The following CACNA2D1 variants were observed in gnomAD, a reference collection of about 807,000 sequenced individuals.
CACNA2D1 encodes the protein voltage-dependent calcium channel subunit alpha-2/delta-1.
In CACNA2D1, 53 loss-of-function variants were observed where a neutral mutation model predicts 171.5. The observed-to-expected ratio is 0.31, with a 90% CI of 0.25 to 0.39. The LOEUF is 0.39. Among genes scored for constraint, CACNA2D1 ranks in the 10% least tolerant of loss-of-function variants. The probability of loss-of-function intolerance (pLI) is 1.00; values close to 1 mark genes in which losing one functional copy is unlikely to be tolerated. For synonymous variants in CACNA2D1, 442 were observed against 443.1 expected, an observed-to-expected ratio of 1.00 and a Z score of 0.03; for missense variants, 903 against 1,299.8, an observed-to-expected ratio of 0.69 and a Z score of 4.69.
chr7:82,123,896 T>C (rs1369800289), intron 5 of CACNA2D1, among the ~76,000 whole-genome samples: 2 of 152,126 alleles, frequency 1.3e-5, no homozygotes, highest in East Asian at 3.8e-4. Context: ...TGCTACCACT[T>C]AGTAGAGAAT....
chr7:82,358,657 T>G (rs1346121275), intron 1 of CACNA2D1, among the ~76,000 whole-genome samples: 3 of 151,644 alleles, frequency 2.0e-5, no homozygotes. Flanking sequence ...TTCATGTTTC[T>G]CTGCCTTCAT....
At chr7:82,055,948 A>ATATATATATAT (rs1554377773) in intron 10 of CACNA2D1, among the ~76,000 whole-genome samples, 3 of 131,072 alleles carry the variant, frequency 2.3e-5, no homozygotes, top group African/African-American at 5.5e-5. Flanking sequence ...ATATATATAT[A>ATATATATATAT]ATTTTTTAAA....
intron 3 of CACNA2D1, among the ~76,000 whole-genome samples, chr7:82,234,712 C>A (rs79441278): frequency 0.013 from 2,010 of 152,214 alleles, 85 homozygotes; most frequent in East Asian, 0.11. Flanking sequence ...TAAAATCAAT[C>A]CATTCTCAAA....
At chr7:82,260,561 A>G (rs1347075384) in intron 3 of CACNA2D1, among the ~76,000 whole-genome samples, 1 of 152,230 alleles carries the variant, frequency 6.6e-6, no homozygotes, top group Non-Finnish European at 1.5e-5. Context: ...CCTCTCTAGT[A>G]TCAAATGACT....
chr7:82,290,051 T>C (rs570433091), intron 3 of CACNA2D1, among the ~76,000 whole-genome samples: 1 of 152,348 alleles, frequency 6.6e-6, no homozygotes, highest in Admixed American at 6.5e-5. Context: ...GGCTAGAAGT[T>C]GAAATATCAT....
chr7:82,012,887 T>A, intron 14 of CACNA2D1, among the ~76,000 whole-genome samples: 1 of 152,240 alleles, frequency 6.6e-6, no homozygotes, highest in Non-Finnish European at 1.5e-5. Flanking sequence ...AATTTATGAT[T>A]ATTTAAAAAG....
chr7:82,053,526 T>C (rs902410897), intron 10 of CACNA2D1, among the ~76,000 whole-genome samples: 9 of 151,990 alleles, frequency 5.9e-5, no homozygotes, highest in African/African-American at 1.7e-4. Context: ...AAAATGATAT[T>C]TTTATAGTAA....
intron 38 of CACNA2D1, among the ~76,000 whole-genome samples, chr7:81,957,138 T>C (rs1350313322): frequency 6.6e-6 from 1 of 152,054 alleles, no homozygotes; most frequent in East Asian, 1.9e-4. Flanking sequence ...TGTAAATAAA[T>C]TGAGATAACC....
At chr7:82,166,770 G>C (rs1294607530) in intron 4 of CACNA2D1, among the ~76,000 whole-genome samples, 3 of 151,964 alleles carry the variant, frequency 2.0e-5, no homozygotes, top group African/African-American at 4.8e-5. Context: ...ACAAATATTA[G>C]TTTGAACTTG....
intron 3 of CACNA2D1, among the ~76,000 whole-genome samples, chr7:82,242,872 T>A (rs192712882): frequency 2.0e-5 from 3 of 152,284 alleles, no homozygotes; most frequent in Admixed American, 2.0e-4. Context: ...GTATTTTGTT[T>A]ACATTTTATT....
intron 1 of CACNA2D1, among the ~76,000 whole-genome samples, chr7:82,431,429 T>C (rs1201972964): frequency 2.6e-5 from 4 of 152,196 alleles, no homozygotes; most frequent in Non-Finnish European, 5.9e-5. Flanking sequence ...GCAAAAATAC[T>C]ATCTTTGTTC....
At chr7:81,989,283 T>G (rs374064150) in intron 21 of CACNA2D1, among the ~76,000 whole-genome samples, 23 of 152,276 alleles carry the variant, frequency 1.5e-4, no homozygotes, top group African/African-American at 5.1e-4. Flanking sequence ...CGTGCCAGAC[T>G]TCGGGTGTCA....
At chr7:81,969,588 A>G (rs1314447242) in intron 28 of CACNA2D1, among the ~76,000 whole-genome samples, 3 of 151,212 alleles carry the variant, frequency 2.0e-5, no homozygotes, top group Non-Finnish European at 4.4e-5. Context: ...TTTTCAATAC[A>G]TTTTCAGTTG....
At chr7:82,202,553 A>G (rs1799561890) in intron 3 of CACNA2D1, among the ~76,000 whole-genome samples, 1 of 152,150 alleles carries the variant, frequency 6.6e-6, no homozygotes, top group Non-Finnish European at 1.5e-5. Flanking sequence ...AGTACAGAGC[A>G]CCAAGAAGGA....
chr7:81,959,667 A>C (rs1793867355), intron 37 of CACNA2D1, 53 bp downstream of exon 37: 2 of 1,544,578 alleles, frequency 1.3e-6, no homozygotes, highest in Non-Finnish European at 1.8e-6. Flanking sequence ...GACAAGATTC[A>C]AAATGCATTA....
At chr7:82,222,915 T>C (rs60187377) in intron 3 of CACNA2D1, among the ~76,000 whole-genome samples, 1 of 150,672 alleles carries the variant, frequency 6.6e-6, no homozygotes, top group South Asian at 2.1e-4. Context: ...TTTTTTTGTT[T>C]GTTTGTTTGT....
At chr7:82,435,400 C>T (rs1410226808) in intron 1 of CACNA2D1, among the ~76,000 whole-genome samples, 1 of 152,088 alleles carries the variant, frequency 6.6e-6, no homozygotes, top group East Asian at 1.9e-4. Context: ...AAATGTCCAA[C>T]GATCAACCTA....
At chr7:82,366,336 A>C (rs1042153156) in intron 1 of CACNA2D1, among the ~76,000 whole-genome samples, 1 of 152,176 alleles carries the variant, frequency 6.6e-6, no homozygotes, top group Admixed American at 6.5e-5. Context: ...CAGGTAGTGA[A>C]CATAATAGCC....
At chr7:82,177,361 T>G (rs1188863697) in intron 3 of CACNA2D1, among the ~76,000 whole-genome samples, 1 of 152,058 alleles carries the variant, frequency 6.6e-6, no homozygotes. Flanking sequence ...TATGTAAATA[T>G]CATCTGATAT....
Sources: gnomAD v4.1 joint callset for allele counts (sites outside exome capture counted in the v4.1 genomes callset) on GRCh38, gnomAD v4.1.1 for gene constraint, MANE v1.5 for transcripts, NCBI Gene and HGNC (gene_info 2026-07-23, HGNC 2026-07-21) for gene names.